OR51B5: variants seen among roughly 807,000 people sequenced by gnomAD.
OR51B5 encodes the protein olfactory receptor 51B5.
For synonymous variants in OR51B5, 186 were observed against 144.8 expected (o/e 1.28, Z -2.04); for missense variants, 456 against 374.6 (o/e 1.22, Z -1.79).
chr11:5,434,304 TC>T (rs1309641855), intron 1 of OR51B5, among the ~76,000 whole-genome samples: 1 of 152,164 alleles, frequency 6.6e-6, no homozygotes, highest in Non-Finnish European at 1.5e-5. Flanking sequence ...TCCATGACTT[TC>T]AGATAACTTT....
At chr11:5,344,003 T>TCA (rs1461837006), upstream of OR51B5, among the ~76,000 whole-genome samples, 1 of 152,190 alleles carries the variant, frequency 6.6e-6, no homozygotes, top group East Asian at 1.9e-4. Context: ...ACCTGAATTA[T>TCA]CAGCTAAAGT....
At chr11:5,388,751 T>C (rs150564490) in intron 1 of OR51B5, among the ~76,000 whole-genome samples, 1 of 152,150 alleles carries the variant, frequency 6.6e-6, no homozygotes, top group African/African-American at 2.4e-5. Context: ...CTGAATACAG[T>C]AGTACAAAAG....
At chr11:5,440,875 T>A in intron 1 of OR51B5, 1 of 1,613,620 alleles carries the variant, frequency 6.2e-7, no homozygotes, top group Non-Finnish European at 8.5e-7. Context: ...AGGATGAAAG[T>A]TGAGTCCATA....
intron 1 of OR51B5, among the ~76,000 whole-genome samples, chr11:5,421,752 T>C (rs1395906150): frequency 6.6e-6 from 1 of 152,098 alleles, no homozygotes; most frequent in Admixed American, 6.5e-5. Flanking sequence ...GCTACAAAAG[T>C]CAAAGGAGAT....
rs892297175 is a variant in OR51B5, at chr11:5,388,589, C to T, written n.85-41679G>A. Among the ~76,000 whole-genome samples, 5 of 148,422 alleles carry T rather than the reference C, an allele frequency of 3.4e-5. No individual in the cohort carries two copies. In the Admixed American group the frequency reaches 3.4e-4, roughly 10 times the overall value. On this transcript the variant is annotated intron_variant and non_coding_transcript_variant, in intron 1 of 4. Transcript: ENST00000415970. ...TGGAAGAATTGTTTAGTGTCATTAA[C>T]ACCGTGAATATACAGAGGAAATTAG...
At chr11:5,398,667 A>C (rs775644104) in intron 1 of OR51B5, among the ~76,000 whole-genome samples, 1 of 151,932 alleles carries the variant, frequency 6.6e-6, no homozygotes, top group Non-Finnish European at 1.5e-5. Context: ...GTGGGAGATT[A>C]TTGGATCATG....
At chr11:5,430,976 C>T (rs143819026) in intron 1 of OR51B5, 4 of 456,930 alleles carry the variant, frequency 8.8e-6, no homozygotes, top group East Asian at 6.9e-5. Flanking sequence ...GAGTCCAGCC[C>T]GAAATTTGCG....
At chr11:5,377,627 A>G (rs909387775) in intron 1 of OR51B5, among the ~76,000 whole-genome samples, 1 of 152,184 alleles carries the variant, frequency 6.6e-6, no homozygotes, top group African/African-American at 2.4e-5. Flanking sequence ...AGGATACAAA[A>G]CCAATGTGCA....
intron 1 of OR51B5, among the ~76,000 whole-genome samples, chr11:5,412,778 AAGC>A (rs571079057): frequency 2.3e-3 from 353 of 152,170 alleles, no homozygotes; most frequent in African/African-American, 7.8e-3. Flanking sequence ...TAGGTAAACA[AAGC>A]AGCCGGGAAG....
chr11:5,443,948 C>T (rs1437822137), intron 1 of OR51B5, among the ~76,000 whole-genome samples: 2 of 152,158 alleles, frequency 1.3e-5, no homozygotes, highest in South Asian at 2.1e-4. Context: ...TATTTATAGG[C>T]ACTATCTCAT....
chr11:5,385,988 A>C (rs544769641), intron 1 of OR51B5, among the ~76,000 whole-genome samples: 1 of 150,788 alleles, frequency 6.6e-6, no homozygotes, highest in South Asian at 2.1e-4. Flanking sequence ...AAATATAAAG[A>C]ATGTGTGTGT....
At chr11:5,476,491 G>A (rs1020980471) in intron 1 of OR51B5, among the ~76,000 whole-genome samples, 4 of 152,120 alleles carry the variant, frequency 2.6e-5, no homozygotes, top group Admixed American at 6.5e-5. Flanking sequence ...ACATGTTTAG[G>A]TGCCCAAAAA....
intron 1 of OR51B5, among the ~76,000 whole-genome samples, chr11:5,401,148 T>C (rs1447267695): frequency 6.6e-6 from 1 of 152,190 alleles, no homozygotes; most frequent in African/African-American, 2.4e-5. Context: ...TTCCCTCTAT[T>C]GCCTTCCTCT....
chr11:5,421,972 T>C (rs1589987672), intron 1 of OR51B5: 2 of 495,040 alleles, frequency 4.0e-6, no homozygotes, highest in East Asian at 3.3e-5. Flanking sequence ...AATTAATATA[T>C]ATTCCGTCAT....
At chr11:5,504,014 C>T (rs1846335440) in intron 1 of OR51B5, among the ~76,000 whole-genome samples, 2 of 151,974 alleles carry the variant, frequency 1.3e-5, no homozygotes, top group Non-Finnish European at 2.9e-5. Flanking sequence ...CTAATATCTG[C>T]GCTAAAGGAC....
chr11:5,403,430 G>A (rs1413635517), intron 1 of OR51B5: 2 of 471,386 alleles, frequency 4.2e-6, no homozygotes, highest in Non-Finnish European at 8.8e-6. Flanking sequence ...AAGCCATGAT[G>A]GCCAATGCCT....
intron 1 of OR51B5, among the ~76,000 whole-genome samples, chr11:5,365,620 T>A (rs1362270738): frequency 2.0e-5 from 3 of 152,198 alleles, no homozygotes; most frequent in Non-Finnish European, 4.4e-5. Flanking sequence ...GGGCTCTTGG[T>A]GTGAATCTGA....
intron 1 of OR51B5, among the ~76,000 whole-genome samples, chr11:5,394,079 T>A (rs1849834480): frequency 6.6e-6 from 1 of 152,188 alleles, no homozygotes. Flanking sequence ...TACTTTTTAA[T>A]AGACTTGATT....
At chr11:5,429,679 G>A (rs1850506566) in intron 1 of OR51B5, among the ~76,000 whole-genome samples, 1 of 152,138 alleles carries the variant, frequency 6.6e-6, no homozygotes, top group Non-Finnish European at 1.5e-5. Context: ...GCTGAGGAAG[G>A]GGCAGGATGG....
Sources: allele counts gnomAD v4.1 joint callset (sites outside exome capture counted in the v4.1 genomes callset), GRCh38; gene constraint gnomAD v4.1.1; transcripts MANE v1.5; gene names NCBI Gene and HGNC (gene_info 2026-07-23, HGNC 2026-07-21).